The following MARCHF8 variants were observed in gnomAD, a reference collection of about 807,000 sequenced individuals.
MARCHF8 encodes E3 ubiquitin-protein ligase MARCHF8.
A neutral mutation model predicts 51.6 loss-of-function variants in MARCHF8; 40 were observed. The ratio of observed to expected loss-of-function variants is 0.77; its 90% CI spans 0.60 to 1.01. MARCHF8 has a LOEUF of 1.01. Ranked by LOEUF, MARCHF8 falls within the 50% of genes least tolerant of loss-of-function variation. The pLI is 0.00. For missense variants in MARCHF8, 685 were observed against 708.6 expected (o/e 0.97, Z 0.38); for synonymous variants, 263 against 280.3 (o/e 0.94, Z 0.62).
At chr10:45,485,424 T>G (rs1219678031) in intron 3 of MARCHF8, among the ~76,000 whole-genome samples, 1 of 152,198 alleles carries the variant, frequency 6.6e-6, no homozygotes, top group Non-Finnish European at 1.5e-5. Context: ...AAATAAGTAT[T>G]GGGTGAAGAC....
At chr10:45,473,235 T>C (rs1233119779) in intron 3 of MARCHF8, among the ~76,000 whole-genome samples, 1 of 152,282 alleles carries the variant, frequency 6.6e-6, no homozygotes, top group East Asian at 1.9e-4. Context: ...TCAAATTCAT[T>C]GAGATGTGCT....
chr10:45,530,138 T>C (rs1409703800), intron 2 of MARCHF8, among the ~76,000 whole-genome samples: 1 of 152,152 alleles, frequency 6.6e-6, no homozygotes, highest in Non-Finnish European at 1.5e-5. Context: ...GCAACATGGA[T>C]AGAACTGGAG....
chr10:45,478,095 CA>C lies in MARCHF8; in HGVS notation c.153+11271del, dbSNP rs534265530. ...GACAGTTACAGAACGTTTCATCCAACAACTACAGAATACACATTTCTCAGCA... is the reference window on the plus strand; with the variant it reads ...GACAGTTACAGAACGTTTCATCCAACACTACAGAATACACATTTCTCAGCA... On this transcript the variant is annotated intron_variant, in intron 3 of 7. Transcript: ENST00000453424. Among the ~76,000 whole-genome samples the C allele has an allele frequency of 2.9e-4, 44 of 152,322 alleles. No individual in the cohort carries two copies. The South Asian group carries it at 5.8e-3, about 20-fold the overall frequency.
intron 1 of MARCHF8, among the ~76,000 whole-genome samples, chr10:45,542,075 G>A (rs1046258339): frequency 1.3e-5 from 2 of 152,180 alleles, no homozygotes; most frequent in Non-Finnish European, 2.9e-5. Context: ...GCCGGGCGCA[G>A]TGGCTCATGC....
intron 3 of MARCHF8, among the ~76,000 whole-genome samples, chr10:45,488,266 G>A (rs923005028): frequency 2.6e-5 from 4 of 152,098 alleles, no homozygotes; most frequent in East Asian, 1.9e-4. Flanking sequence ...GATTTCAGGC[G>A]GCCAGGTGGG....
In MARCHF8 at chr10:45,541,018, C is replaced by T. The variant is rs571013572; in HGVS notation, c.-78-7729G>A. ...TTGTGGAAGTCAGTGTGGCGATTCC[C>T]CAGGGATCTAGAACTAGAAATACCA... On this transcript the variant is annotated intron_variant, in intron 1 of 6. Transcript: ENST00000319836. Among the ~76,000 whole-genome samples, 102 of 152,178 alleles carry T rather than the reference C, an allele frequency of 6.7e-4. 1 individual carries two copies. Among genetic ancestry groups the T allele is most frequent in the African/African-American group, 2.3e-3 (96 of 41,516 alleles).
In MARCHF8 at chr10:45,545,451, C is replaced by T. The variant is rs191096587; in HGVS notation, c.-78-12162G>A. On this transcript the variant is annotated intron_variant, in intron 1 of 6. Coordinates refer to the MARCHF8 transcript ENST00000319836. ...ACTAACAAAAATTCATGTTTGTCAA[C>T]CTGGTACAATTCATTTCAGATGGGA... 2.5e-3 allele frequency among the ~76,000 whole-genome samples: 381 copies of T among 152,304 alleles called. 4 individuals are homozygous for T. Among genetic ancestry groups the T allele is most frequent in the Non-Finnish European group, 1.0e-3 (69 of 68,012 alleles).
intron 1 of MARCHF8, among the ~76,000 whole-genome samples, chr10:45,576,757 A>C (rs182439717): frequency 2.0e-5 from 3 of 149,726 alleles, no homozygotes; most frequent in Non-Finnish European, 3.0e-5. Flanking sequence ...CTTCATCTCT[A>C]CTACAAATAA....
At position 45,458,074 on chromosome 10, in the gene MARCHF8, AG is replaced by A; in HGVS notation, c.*164del. The A allele has an allele frequency of 4.1e-6, 3 of 723,240 alleles. No individual in the cohort carries two copies. Among genetic ancestry groups the A allele is most frequent in the Non-Finnish European group, 6.5e-6 (3 of 463,882 alleles). The allele number at this position is 723,240 out of a possible 1,614,324, so 44.8% of individuals were successfully genotyped here. A position where few individuals can be genotyped will look rare whatever the true frequency, so the allele number is the denominator to read the frequency against. ...ACCCAGGCATGCCTGGCCCACAGGA[AG>A]GTTTTCTAGGAGACTAAGGAGGGTT... On this transcript the variant is annotated 3_prime_UTR_variant, in exon 8 of 8. Coordinates refer to ENST00000453424, the MANE Select transcript of MARCHF8 (RefSeq NM_001282866.2).
intron 1 of MARCHF8, among the ~76,000 whole-genome samples, chr10:45,561,013 CTTT>C (rs1002675165): frequency 2.0e-5 from 3 of 152,102 alleles, no homozygotes; most frequent in African/African-American, 7.2e-5. Flanking sequence ...TTTCCCAGTT[CTTT>C]ATGATAAAAC....
rs1263050232 is a variant in MARCHF8 at position 45,559,513 on chromosome 10, G to A, written c.-78-26224C>T. On this transcript the variant is annotated intron_variant, in intron 1 of 6. Coordinates refer to the MARCHF8 transcript ENST00000319836. ...TGAGATTACGGGCATGCGCCACCAC[G>A]CCCAGCTAATGTTTGTATTTTTTAG... Among the ~76,000 whole-genome samples the A allele has an allele frequency of 4.6e-5, 7 of 152,234 alleles. No individual in the cohort carries two copies. The South Asian group carries it at 8.3e-4, about 18-fold the overall frequency.
intron 3 of MARCHF8, among the ~76,000 whole-genome samples, chr10:45,474,548 A>ATATATATAAT (rs1413256158): frequency 1.6e-4 from 24 of 152,248 alleles, no homozygotes; most frequent in African/African-American, 5.5e-4. Flanking sequence ...TGATATAATG[A>ATATATATAAT]AGAACATGCT....
chr10:45,590,989 C>T (rs1004897865), intron 1 of MARCHF8, among the ~76,000 whole-genome samples: 12 of 152,314 alleles, frequency 7.9e-5, no homozygotes, highest in Admixed American at 2.0e-4. Context: ...AACTGATAAA[C>T]GTACTTTGTA....
chr10:45,496,713 T>G (rs990006978), intron 2 of MARCHF8, among the ~76,000 whole-genome samples: 1 of 152,052 alleles, frequency 6.6e-6, no homozygotes, highest in Non-Finnish European at 1.5e-5. Context: ...ATAGGAGGAA[T>G]CATTCTATGT....
chr10:45,512,811 A>C (rs1176991850), intron 2 of MARCHF8, among the ~76,000 whole-genome samples: 1 of 152,118 alleles, frequency 6.6e-6, no homozygotes, highest in Non-Finnish European at 1.5e-5. Flanking sequence ...AAGATTGGGA[A>C]ATCGGATGGT....
At chr10:45,580,672 CT>C (rs1312451586) in intron 1 of MARCHF8, among the ~76,000 whole-genome samples, 1 of 152,158 alleles carries the variant, frequency 6.6e-6, no homozygotes, top group African/African-American at 2.4e-5. Context: ...CTTTTCTTTG[CT>C]TCTTTCAAAT....
chr10:45,572,579 A>C (rs2044442975), intron 1 of MARCHF8, among the ~76,000 whole-genome samples: 1 of 152,112 alleles, frequency 6.6e-6, no homozygotes, highest in Non-Finnish European at 1.5e-5. Flanking sequence ...CTTGTTGTAA[A>C]ATAGGCAAAC....
intron 1 of MARCHF8, among the ~76,000 whole-genome samples, chr10:45,575,360 T>C (rs564174900): frequency 2.6e-5 from 4 of 152,288 alleles, no homozygotes; most frequent in South Asian, 4.1e-4. Context: ...AAGGAAAATA[T>C]ATCCTTCCAG....
intron 2 of MARCHF8, among the ~76,000 whole-genome samples, chr10:45,523,874 G>T (rs1180324601): frequency 6.6e-6 from 1 of 152,186 alleles, no homozygotes; most frequent in African/African-American, 2.4e-5. Context: ...ACAGAGGTCA[G>T]CTACAGTTAT....
Sources: gnomAD v4.1 joint callset for allele counts (sites outside exome capture counted in the v4.1 genomes callset) on GRCh38, gnomAD v4.1.1 for gene constraint, MANE v1.5 for transcripts, NCBI Gene and HGNC (gene_info 2026-07-23, HGNC 2026-07-21) for gene names.